The following NEO1 variants were observed in gnomAD, a reference collection of about 807,000 sequenced individuals.
NEO1 encodes neogenin 1, also known as neogenin.
In NEO1, 63 loss-of-function variants were observed where a neutral mutation model predicts 159.7. The observed-to-expected ratio is 0.39, with a 90% CI of 0.32 to 0.49. The LOEUF is 0.49. Among genes scored for constraint, NEO1 ranks in the 20% least tolerant of loss-of-function variants. The pLI, the probability that NEO1 is intolerant of heterozygous loss-of-function variation, is 0.85. For missense variants in NEO1, 1,615 were observed against 1,831.0 expected, an observed-to-expected ratio of 0.88 and a Z score of 2.15; for synonymous variants, 633 against 662.0, an observed-to-expected ratio of 0.96 and a Z score of 0.67.
chr15:73,275,538 C>T (rs2041372960), intron 21 of NEO1, among the ~76,000 whole-genome samples: 1 of 151,870 alleles, frequency 6.6e-6, no homozygotes, highest in South Asian at 2.1e-4. Flanking sequence ...ACCTATAATC[C>T]CAGCTACTCC....
chr15:73,060,371 C>T (rs2067919470), intron 1 of NEO1, among the ~76,000 whole-genome samples: 1 of 152,100 alleles, frequency 6.6e-6, no homozygotes, highest in African/African-American at 2.4e-5. Flanking sequence ...TCAAGCCATT[C>T]TGCTGCCTCA....
intron 1 of NEO1, among the ~76,000 whole-genome samples, chr15:73,086,439 GTTTATC>G (rs1279844678): frequency 4.0e-5 from 6 of 151,706 alleles, no homozygotes; most frequent in South Asian, 2.1e-4. Flanking sequence ...AAGTTTGTCA[GTTTATC>G]TTTATGAAAA....
chr15:73,216,171 G>C (rs1462921925), intron 7 of NEO1, among the ~76,000 whole-genome samples: 2 of 151,074 alleles, frequency 1.3e-5, no homozygotes, highest in East Asian at 2.0e-4. Context: ...CTATGAGTGA[G>C]AATATGCAGT....
intron 5 of NEO1, among the ~76,000 whole-genome samples, chr15:73,164,221 T>G (rs1257929684): frequency 6.7e-6 from 1 of 149,556 alleles, no homozygotes; most frequent in Non-Finnish European, 1.5e-5. Context: ...TTTTTTTTTT[T>G]TTTTTTGAGA....
intron 1 of NEO1, among the ~76,000 whole-genome samples, chr15:73,070,514 TGGAA>T (rs571508374): frequency 1.5e-3 from 222 of 152,314 alleles, no homozygotes; most frequent in Non-Finnish European, 2.6e-3. Flanking sequence ...AAGTGAATCA[TGGAA>T]GAGCTAGAAG....
At chr15:73,237,991 C>T (rs2039274670) in intron 8 of NEO1, among the ~76,000 whole-genome samples, 1 of 152,132 alleles carries the variant, frequency 6.6e-6, no homozygotes, top group South Asian at 2.1e-4. Flanking sequence ...CTCAGGCCTT[C>T]CCTGAATACC....
chr15:73,196,964 A>C (rs2036564278), intron 7 of NEO1, among the ~76,000 whole-genome samples: 1 of 152,198 alleles, frequency 6.6e-6, no homozygotes, highest in South Asian at 2.1e-4. Context: ...TGCATATTAT[A>C]GTTTGTAAAT....
At chr15:73,074,026 G>A (rs2068656563) in intron 1 of NEO1, among the ~76,000 whole-genome samples, 1 of 152,056 alleles carries the variant, frequency 6.6e-6, no homozygotes, top group African/African-American at 2.4e-5. Flanking sequence ...ATAAGTGAAG[G>A]AGGTCTCTTA....
intron 1 of NEO1, among the ~76,000 whole-genome samples, chr15:73,070,076 A>ACCT (rs1193158587): frequency 6.6e-5 from 10 of 152,188 alleles, no homozygotes; most frequent in Admixed American, 3.9e-4. Context: ...AGAGGCATAA[A>ACCT]ATACTCTGTA....
At chr15:73,227,517 C>T (rs771316467) in intron 7 of NEO1, among the ~76,000 whole-genome samples, 4 of 152,076 alleles carry the variant, frequency 2.6e-5, no homozygotes, top group African/African-American at 9.7e-5. Flanking sequence ...AAAGCCAGAT[C>T]AGGAGAAACG....
chr15:73,162,322 GA>G, intron 5 of NEO1: 1 of 208,480 alleles, frequency 4.8e-6, no homozygotes, highest in South Asian at 9.2e-5. Flanking sequence ...GACCCCAAGG[GA>G]AATCATTGGC....
At chr15:73,277,170 A>G (rs903110417) in intron 21 of NEO1, among the ~76,000 whole-genome samples, 1 of 152,234 alleles carries the variant, frequency 6.6e-6, no homozygotes, top group Non-Finnish European at 1.5e-5. Flanking sequence ...CTATTAAACA[A>G]TGTGCTATAT....
rs779362935 is a variant in NEO1 at position 73,253,392 on chromosome 15, T to C, written c.1895-8T>C. On this transcript the variant is annotated splice_region_variant and splice_polypyrimidine_tract_variant and intron_variant, in intron 11 of 28. Coordinates refer to ENST00000261908, the MANE Select transcript of NEO1 (RefSeq NM_002499.4). ...AAAAAAATTTTTTTTTTTTTTTTGT[T>C]TCTCTAGTTCCCAGTGCTGCTCCTC... is the stretch of plus-strand genomic sequence containing the variant. The C allele has an allele frequency of 6.5e-7, 1 of 1,534,912 alleles. No individual in the cohort carries two copies. The highest frequency in any genetic ancestry group is 8.8e-7 in the Non-Finnish European group (1 of 1,139,196).
chr15:73,109,223 A>G (rs1312398401), intron 1 of NEO1, among the ~76,000 whole-genome samples: 2 of 152,190 alleles, frequency 1.3e-5, no homozygotes, highest in Non-Finnish European at 2.9e-5. Context: ...GGGAGATATT[A>G]TAGGTTTTTG....
At chr15:73,260,784 A>G (rs913867339) in intron 15 of NEO1, among the ~76,000 whole-genome samples, 1 of 152,156 alleles carries the variant, frequency 6.6e-6, no homozygotes, top group Admixed American at 6.5e-5. Context: ...ATTGATAATG[A>G]TGTTAACTTT....
At chr15:73,086,235 A>G (rs558321427) in intron 1 of NEO1, among the ~76,000 whole-genome samples, 1 of 152,208 alleles carries the variant, frequency 6.6e-6, no homozygotes, top group African/African-American at 2.4e-5. Flanking sequence ...TCAGTTGACC[A>G]TAGTTGTGTG....
rs869029902 is a variant in NEO1 at position 73,279,351 on chromosome 15, G to GTTTTTT, written c.3262+1162_3262+1167dup. On this transcript the variant is annotated intron_variant, in intron 22 of 28. Transcript: ENST00000261908. Reference sequence around the variant, plus strand: ...ATGTTTTTTTGTTGTTTTGGTTTTGGTTTTTTTTTTTTTTTGAGATGGAAT... The same window carrying GTTTTTT: ...ATGTTTTTTTGTTGTTTTGGTTTTGGTTTTTTTTTTTTTTTTTTTTTGAGATGGAAT... Among the ~76,000 whole-genome samples, 67 of 119,332 alleles carry GTTTTTT rather than the reference G, an allele frequency of 5.6e-4. 6 individuals are homozygous for GTTTTTT. Among genetic ancestry groups the GTTTTTT allele is most frequent in the South Asian group, 8.2e-4 (3 of 3,678 alleles). The allele number at this position is 119,332 out of a possible 152,430, so 78.3% of individuals were successfully genotyped here. A position where few individuals can be genotyped will look rare whatever the true frequency, so the allele number is the denominator to read the frequency against.
intron 1 of NEO1, among the ~76,000 whole-genome samples, chr15:73,068,923 C>T (rs1050231653): frequency 7.4e-5 from 11 of 149,262 alleles, no homozygotes; most frequent in African/African-American, 2.5e-4. Flanking sequence ...CTAGTTAGCT[C>T]CTGACTGATG....
At chr15:73,083,760 C>G (rs2151397527) in intron 1 of NEO1, among the ~76,000 whole-genome samples, 1 of 152,062 alleles carries the variant, frequency 6.6e-6, no homozygotes, top group Non-Finnish European at 1.5e-5. Context: ...GCTGTATGGC[C>G]ATAGGTAAGT....
Sources: gnomAD v4.1 joint callset for allele counts (sites outside exome capture counted in the v4.1 genomes callset) on GRCh38, gnomAD v4.1.1 for gene constraint, MANE v1.5 for transcripts, NCBI Gene and HGNC (gene_info 2026-07-23, HGNC 2026-07-21) for gene names.